Variants in SETD5 observed in about 807,000 individuals in gnomAD.
SETD5 encodes the protein histone-lysine N-methyltransferase SETD5.
In SETD5, 44 loss-of-function variants were observed where a neutral mutation model predicts 153.3. The observed-to-expected ratio is 0.29, with a 90% confidence interval of 0.23 to 0.37. The LOEUF (loss-of-function observed/expected upper bound fraction) is 0.37, where lower values mean the gene tolerates loss of function less well. SETD5 is among the 10% of genes least tolerant of loss of function. SETD5 has a pLI of 1.00. For synonymous variants in SETD5, 716 were observed against 645.2 expected, an observed-to-expected ratio of 1.11 and a Z score of -1.66; for missense variants, 1,544 against 1,768.0, an observed-to-expected ratio of 0.87 and a Z score of 2.27.
intron 18 of SETD5, among the ~76,000 whole-genome samples, chr3:9,467,821 A>C (rs912673152): frequency 6.6e-6 from 1 of 152,130 alleles, no homozygotes; most frequent in African/African-American, 2.4e-5. Flanking sequence ...ACAGGGACCT[A>C]AGTATACACA....
chr3:9,452,078 G>A (rs769249103), intron 16 of SETD5, among the ~76,000 whole-genome samples: 3 of 152,144 alleles, frequency 2.0e-5, no homozygotes, highest in Non-Finnish European at 4.4e-5. Flanking sequence ...AGGTTTGATT[G>A]TATTTGCTGT....
At chr3:9,444,776 C>G (rs1418614576) in intron 11 of SETD5, among the ~76,000 whole-genome samples, 1 of 151,940 alleles carries the variant, frequency 6.6e-6, no homozygotes, top group Non-Finnish European at 1.5e-5. Flanking sequence ...ACTCAGGAGG[C>G]TGAGGTAGGA....
chr3:9,435,243 CAAA>C (rs5846637), intron 6 of SETD5, among the ~76,000 whole-genome samples: 198 of 80,162 alleles, frequency 2.5e-3, no homozygotes, highest in African/African-American at 6.4e-3. Flanking sequence ...AACTCCCTCT[CAAA>C]AAAAAAAAAA....
chr3:9,456,574 A>G (rs774504159), intron 17 of SETD5, among the ~76,000 whole-genome samples: 4 of 152,174 alleles, frequency 2.6e-5, no homozygotes, highest in Non-Finnish European at 5.9e-5. Context: ...TGAATAATGT[A>G]TATAAAGTTC....
intron 18 of SETD5, among the ~76,000 whole-genome samples, chr3:9,469,095 T>A (rs975556804): frequency 6.6e-6 from 1 of 152,132 alleles, no homozygotes; most frequent in African/African-American, 2.4e-5. Context: ...GGAAAGTCAT[T>A]CTGTCTTTCA....
chr3:9,447,906 C>G lies in SETD5; in HGVS notation c.2003C>G (p.Ser668Ter). 1 of 1,613,918 alleles carries G rather than the reference C, an allele frequency of 6.2e-7. No homozygotes were observed. Among genetic ancestry groups the G allele is most frequent in the Non-Finnish European group, 8.5e-7 (1 of 1,179,862 alleles). Residue 668 changes from serine (S) to a stop codon, truncating the protein, a stop_gained, in exon 15 of 23, where the codon TCA (serine) becomes TGA (stop). Transcript: ENST00000402198. LOFTEE classifies it high-confidence loss of function. ...TPTEAGSLDSSGENRPLTGSD... is the reference protein window; with the variant it reads ...TPTEAGSLDS ...ACTGAAGCTGGAAGTCTAGACAGTT[C>G]AGGAGAAAACAGGCCATTAACAGGG...
chr3:9,422,215 C>G (rs1575289884), intron 1 of SETD5, among the ~76,000 whole-genome samples: 3 of 152,016 alleles, frequency 2.0e-5, no homozygotes, highest in African/African-American at 7.2e-5. Flanking sequence ...TAATCTGATC[C>G]TTTAGTAAGA....
intron 1 of SETD5, among the ~76,000 whole-genome samples, chr3:9,421,738 T>G (rs895101270): frequency 2.6e-5 from 4 of 152,220 alleles, no homozygotes; most frequent in Non-Finnish European, 4.4e-5. Flanking sequence ...TTTTGAAATA[T>G]TCCCAAAAAG....
chr3:9,443,814 T>G (rs1015801039), intron 11 of SETD5, among the ~76,000 whole-genome samples: 1 of 152,138 alleles, frequency 6.6e-6, no homozygotes, highest in African/African-American at 2.4e-5. Context: ...GCCTGTAATC[T>G]CAACACTTTG....
At chr3:9,415,093 A>G (rs545023018) in intron 1 of SETD5, among the ~76,000 whole-genome samples, 29 of 152,230 alleles carry the variant, frequency 1.9e-4, no homozygotes, top group Non-Finnish European at 4.1e-4. Flanking sequence ...AGACAGTAAC[A>G]TAAATGGGAA....
intron 7 of SETD5, chr3:9,436,716 T>C: frequency 5.8e-6 from 4 of 691,738 alleles, no homozygotes; most frequent in Non-Finnish European, 9.6e-6. Context: ...GGGAATTCCA[T>C]TGTATTTTTT....
intron 17 of SETD5, among the ~76,000 whole-genome samples, chr3:9,458,857 T>C (rs1339280562): frequency 6.6e-6 from 1 of 152,154 alleles, no homozygotes; most frequent in Non-Finnish European, 1.5e-5. Context: ...GAAACCAAAA[T>C]TTATATATAA....
intron 1 of SETD5, among the ~76,000 whole-genome samples, chr3:9,402,307 A>G (rs2034913486): frequency 6.6e-6 from 1 of 152,198 alleles, no homozygotes; most frequent in Non-Finnish European, 1.5e-5. Flanking sequence ...ACTATGGGAT[A>G]AAATAAACAA....
chr3:9,473,190 T>C (rs895134938), intron 19 of SETD5, 46 bp from the exon 20 acceptor site: 33 of 1,576,636 alleles, frequency 2.1e-5, no homozygotes, highest in Non-Finnish European at 2.5e-5. Context: ...ACTAATGATA[T>C]CCAGATAGAG....
At chr3:9,444,553 T>C (rs540689743) in intron 11 of SETD5, among the ~76,000 whole-genome samples, 1 of 151,774 alleles carries the variant, frequency 6.6e-6, no homozygotes, top group Non-Finnish European at 1.5e-5. Context: ...TTTTTCCCAC[T>C]GACCATGGAG....
chr3:9,398,308 G>C (rs1346467725), intron 1 of SETD5: 1 of 148,962 alleles, frequency 6.7e-6, no homozygotes, highest in Non-Finnish European at 1.5e-5. Context: ...CCTTTCCCTT[G>C]AGGAGAGGCC....
intron 19 of SETD5, among the ~76,000 whole-genome samples, chr3:9,472,668 C>CTGTTT (rs950067604): frequency 5.3e-5 from 8 of 151,836 alleles, no homozygotes; most frequent in African/African-American, 1.2e-4. Flanking sequence ...GGTTTTTCTT[C>CTGTTT]TGTTTTGTTT....
At chr3:9,418,004 G>T (rs1376543043) in intron 1 of SETD5, among the ~76,000 whole-genome samples, 2 of 148,438 alleles carry the variant, frequency 1.3e-5, no homozygotes, top group East Asian at 2.0e-4. Flanking sequence ...GCAGTGGCGC[G>T]ATCTCGGCTC....
chr3:9,445,255 A>G lies in SETD5; in HGVS notation c.1395A>G (p.Gln465=). The G allele has an allele frequency of 1.2e-6, 2 of 1,610,690 alleles. No homozygotes were observed. The highest frequency in any genetic ancestry group is 1.7e-6 in the Non-Finnish European group (2 of 1,178,110). The change falls in exon 12 of 23, where the codon CAA becomes CAG. Residue 465 remains glutamine (Q), a synonymous_variant. Coordinates refer to ENST00000402198, the MANE Select transcript of SETD5 (RefSeq NM_001080517.3). ...CTTCAGAGGAGAATAATGACCAGCA[A>G]TCACAAGAAGTTCCAGAAAAAGTAA... ...NEASEENNDQ[Q]SQEVPEKVTV... is the part of the protein sequence containing the mutation.
Sources: allele counts gnomAD v4.1 joint callset (sites outside exome capture counted in the v4.1 genomes callset), GRCh38; gene constraint gnomAD v4.1.1; transcripts MANE v1.5; gene names NCBI Gene and HGNC (gene_info 2026-07-23, HGNC 2026-07-21).